The following ZMIZ2 variants were observed in gnomAD, a reference collection of about 807,000 sequenced individuals.
The protein encoded by ZMIZ2 is zinc finger MIZ domain-containing protein 2.
A neutral mutation model predicts 93.9 loss-of-function variants in ZMIZ2; 26 were observed. That is an observed-to-expected ratio of 0.28 (90% CI 0.20 to 0.38). ZMIZ2 has a LOEUF of 0.38. Among genes scored for constraint, ZMIZ2 ranks in the 10% least tolerant of loss-of-function variants. The pLI is 1.00. For synonymous variants in ZMIZ2, 485 were observed against 516.4 expected (o/e 0.94, Z 0.82); for missense variants, 1,023 against 1,235.0 (o/e 0.83, Z 2.57).
chr7:44,767,915 A>G lies in ZMIZ2; in HGVS notation c.*292A>G, dbSNP rs950966416. 2.0e-6 allele frequency: 1 copy of G among 491,282 alleles called. No homozygotes were observed. The highest frequency in any genetic ancestry group is 3.7e-6 in the Non-Finnish European group (1 of 267,072). The allele number at this position is 491,282 out of a possible 1,614,324, so 30.4% of individuals were successfully genotyped here. A position where few individuals can be genotyped will look rare whatever the true frequency, so the allele number is the denominator to read the frequency against. On this transcript the variant is annotated 3_prime_UTR_variant, in exon 19 of 19. Coordinates refer to ENST00000309315, the MANE Select transcript of ZMIZ2 (RefSeq NM_031449.4). ...CCCAGCCCTGTCCAGCCTTGTCCACACACACATCTCACGCCCCTGGTCTCA... is the reference window on the plus strand; with the variant it reads ...CCCAGCCCTGTCCAGCCTTGTCCACGCACACATCTCACGCCCCTGGTCTCA...
At chr7:44,762,104 G>A (rs1211241798) in intron 11 of ZMIZ2, among the ~76,000 whole-genome samples, 199 bp downstream of exon 11, 2 of 152,234 alleles carry the variant, frequency 1.3e-5, no homozygotes, top group African/African-American at 2.4e-5. Context: ...GCTGTCCACC[G>A]CCTGCTGTAG....
Position 44,765,463 on chromosome 7 carries a change from C to T in ZMIZ2, c.2126C>T (p.Ala709Val). 6.2e-7 allele frequency: 1 copy of T among 1,605,042 alleles called. No individual in the cohort carries two copies. The highest frequency in any genetic ancestry group is 8.5e-7 in the Non-Finnish European group (1 of 1,179,890). ...AAGCGCTGCCGCACCGTGAGCCCCG[C>T]CCACGTGCTCATGCCCAGCGTGATG... ...ALKRCRTVSPAHVLMPSVMEM... is the reference protein window; with the variant it reads ...ALKRCRTVSPVHVLMPSVMEM... The change falls in exon 16 of 19, where the codon GCC becomes GTC. Residue 709 changes from alanine to valine, a missense_variant. By Grantham distance (64) the Ala-to-Val change is moderately conservative. Coordinates refer to ENST00000309315, the MANE Select transcript of ZMIZ2 (RefSeq NM_031449.4). The surrounding 1 kb of genome is among the most constrained non-coding windows in gnomAD (Gnocchi z 4.1).
At chr7:44,764,181 C>G (rs879611628) in intron 13 of ZMIZ2, among the ~76,000 whole-genome samples, 2 of 152,194 alleles carry the variant, frequency 1.3e-5, no homozygotes, top group Non-Finnish European at 2.9e-5. Flanking sequence ...GGGTCCCAGT[C>G]AGCACAGCTG....
rs968070928 is a variant in ZMIZ2 at position 44,766,932 on chromosome 7, C to T, written c.2655+269C>T. On this transcript the variant is annotated intron_variant, in intron 18 of 18. Coordinates refer to ENST00000309315, the MANE Select transcript of ZMIZ2 (RefSeq NM_031449.4). This position sits in a 1 kb window ranked among gnomAD's most constrained non-coding sequence, Gnocchi z 4.4. ...GAGACTGCACTGGAAGCTGACAGCA[C>T]GGTCCTTAGAGTCAAATTTCGTCTG... is the stretch of plus-strand genomic sequence containing the variant. Among the ~76,000 whole-genome samples, 1 of 152,272 alleles carries T rather than the reference C, an allele frequency of 6.6e-6. No homozygotes were observed. Among genetic ancestry groups the T allele is most frequent in the Non-Finnish European group, 1.5e-5 (1 of 68,022 alleles).
intron 7 of ZMIZ2, 83 bp from the exon 8 acceptor site, chr7:44,760,068 T>G: frequency 1.4e-6 from 2 of 1,398,152 alleles, no homozygotes; most frequent in Non-Finnish European, 2.0e-6. Context: ...AGACCGTGTA[T>G]GGTGGGCTTC....
chr7:44,764,617 G>A (rs1791516807), intron 14 of ZMIZ2, 131 bp downstream of exon 14: 4 of 1,026,884 alleles, frequency 3.9e-6, no homozygotes, highest in Non-Finnish European at 5.8e-6. Flanking sequence ...CTGGGGTTGT[G>A]CAGCTCAGCG....
Position 44,767,764 on chromosome 7 carries a change from G to A in ZMIZ2, c.*141G>A, listed in dbSNP as rs1015586950. The A allele has an allele frequency of 2.5e-5, 18 of 730,870 alleles. No homozygotes were observed. The highest frequency in any genetic ancestry group is 6.8e-5 in the South Asian group (4 of 58,716). The allele number at this position is 730,870 out of a possible 1,614,324, so 45.3% of individuals were successfully genotyped here. On this transcript the variant is annotated 3_prime_UTR_variant, in exon 19 of 19. Transcript: ENST00000309315. ...ACACCTGGAGCCAGAGCCTTCTGCCGCCAGCCCTGCCCCTGAATTGGAAGC... is the reference window on the plus strand; with the variant it reads ...ACACCTGGAGCCAGAGCCTTCTGCCACCAGCCCTGCCCCTGAATTGGAAGC...
At chr7:44,751,509 A>G (rs1189139436) in intron 1 of ZMIZ2, among the ~76,000 whole-genome samples, 1 of 152,210 alleles carries the variant, frequency 6.6e-6, no homozygotes, top group Non-Finnish European at 1.5e-5. Context: ...GGGAGGGGGC[A>G]CATCTGCTTG....
At chr7:44,759,047 A>T (rs568136628) in intron 6 of ZMIZ2, among the ~76,000 whole-genome samples, 1 of 144,230 alleles carries the variant, frequency 6.9e-6, no homozygotes, top group Non-Finnish European at 1.5e-5. Flanking sequence ...GCACCACTGC[A>T]CTTCAGCCTG....
chr7:44,762,775 C>T (rs2116843412), intron 11 of ZMIZ2, 106 bp from the exon 12 acceptor site: 1 of 671,912 alleles, frequency 1.5e-6, no homozygotes, highest in Non-Finnish European at 2.2e-6. Flanking sequence ...CCTTGTCCCT[C>T]CCCCACCTGG....
At position 44,765,434 on chromosome 7, in the gene ZMIZ2, A is replaced by G. The variant is rs770341637; in HGVS notation, c.2097A>G (p.Ala699=). 6.2e-7 allele frequency: 1 copy of G among 1,610,144 alleles called. No homozygotes were observed. The highest frequency in any genetic ancestry group is 1.7e-5 in the Admixed American group (1 of 60,022). ...MHIKEEPDGP[A]LKRCRTVSPA... Reference sequence around the variant, plus strand: ...TCAAGGAGGAGCCGGATGGGCCAGCACTGAAGCGCTGCCGCACCGTGAGCC... The same window carrying G: ...TCAAGGAGGAGCCGGATGGGCCAGCGCTGAAGCGCTGCCGCACCGTGAGCC... The change falls in exon 16 of 19, where the codon GCA becomes GCG. Residue 699 remains alanine (A), a synonymous_variant. Coordinates refer to ENST00000309315, the MANE Select transcript of ZMIZ2 (RefSeq NM_031449.4). The surrounding 1 kb of genome is among the most constrained non-coding windows in gnomAD (Gnocchi z 4.1).
At position 44,763,388 on chromosome 7, in the gene ZMIZ2, G is replaced by A. The variant is rs201502888; in HGVS notation, c.1835G>A (p.Arg612Gln). The A allele has an allele frequency of 6.8e-6, 11 of 1,614,060 alleles. No homozygotes were observed. The highest frequency in any genetic ancestry group is 5.3e-5 in the African/African-American group (4 of 75,040). The change falls in exon 13 of 19, where the codon CGA becomes CAA. Residue 612 changes from arginine to glutamine, a missense_variant. By Grantham distance (43) the Arg-to-Gln change is conservative. Around this residue, in one of 3 missense-constraint regions of ZMIZ2, gnomAD observed 48 missense variants for 99.1 expected, o/e 0.48. Coordinates refer to ENST00000309315, the MANE Select transcript of ZMIZ2 (RefSeq NM_031449.4). The surrounding 1 kb of genome is among the most constrained non-coding windows in gnomAD (Gnocchi z 5.6). ...TTCCGCAGGATCCAGCTCCCTGCCC[G>A]AGGTCATGACTGTCGCCACATACAG... Reference protein sequence around the residue: ...ITFRRIQLPARGHDCRHIQCF... With the variant: ...ITFRRIQLPAQGHDCRHIQCF...
intron 6 of ZMIZ2, among the ~76,000 whole-genome samples, 188 bp from the exon 7 acceptor site, chr7:44,759,084 TAAAAAAAAA>T (rs71563954): frequency 2.9e-4 from 28 of 97,500 alleles, no homozygotes; most frequent in South Asian, 1.1e-3. Context: ...TGTCTCAAAT[TAAAAAAAAA>T]AAAAAAAAAA....
chr7:44,765,203 G>A lies in ZMIZ2; in HGVS notation c.1998-132G>A. 1 of 1,521,564 alleles carries A rather than the reference G, an allele frequency of 6.6e-7. No homozygotes were observed. The highest frequency in any genetic ancestry group is 8.9e-7 in the Non-Finnish European group (1 of 1,126,124). The allele number at this position is 1,521,564 out of a possible 1,614,324, so 94.3% of individuals were successfully genotyped here. On this transcript the variant is annotated intron_variant, in intron 15 of 18. Transcript: ENST00000309315. The surrounding 1 kb of genome is among the most constrained non-coding windows in gnomAD (Gnocchi z 4.1). ...CTGGGCCCAGCGTCCTGCTCGATGTGGAAGGTGCTGGGTGGAAGCAAGCAT... is the reference window on the plus strand; with the variant it reads ...CTGGGCCCAGCGTCCTGCTCGATGTAGAAGGTGCTGGGTGGAAGCAAGCAT...
chr7:44,760,974 C>T (rs1322899803), intron 9 of ZMIZ2, among the ~76,000 whole-genome samples: 1 of 152,068 alleles, frequency 6.6e-6, no homozygotes, highest in African/African-American at 2.4e-5. Context: ...CTTCTCTCCC[C>T]TGTGCACAAA....
chr7:44,765,882 C>A lies in ZMIZ2; in HGVS notation c.2243-282C>A, dbSNP rs1313268421. On this transcript the variant is annotated intron_variant, in intron 16 of 18. Transcript: ENST00000309315. The surrounding 1 kb of genome is among the most constrained non-coding windows in gnomAD (Gnocchi z 4.1). ...TCACAGGACTGGCCCCATCTGGGGC[C>A]CCCCTCTGGGACCCACCTCACACGC... The A allele has an allele frequency of 1.5e-6, 2 of 1,363,472 alleles. No individual in the cohort carries two copies. Among genetic ancestry groups the A allele is most frequent in the East Asian group, 2.6e-5 (1 of 37,916 alleles). The allele number at this position is 1,363,472 out of a possible 1,614,324, so 84.5% of individuals were successfully genotyped here.
rs61731833 is a variant in ZMIZ2, at chr7:44,757,076, G to A, written c.295G>A (p.Ala99Thr). 1.3e-3 allele frequency: 2,066 copies of A among 1,607,094 alleles called. 22 individuals carry two copies. In the African/African-American group the frequency reaches 0.023, roughly 18 times the overall value. ...LGQQAFAEGGANKGYVQQGVY... is the reference protein window; with the variant it reads ...LGQQAFAEGGTNKGYVQQGVY... ...ACAGCAGGCGTTTGCTGAAGGCGGC[G>A]CCAACAAGGGCTACGTGCAGCAAGG... Residue 99 changes from alanine (A) to threonine (T), a missense_variant, in exon 4 of 19, where the codon GCC becomes ACC. Ala to Thr is a moderately conservative substitution (Grantham distance 58). Around this residue, in one of 3 missense-constraint regions of ZMIZ2, gnomAD observed 656 missense variants for 777.1 expected, o/e 0.84. Coordinates refer to ENST00000309315, the MANE Select transcript of ZMIZ2 (RefSeq NM_031449.4).
In ZMIZ2 at chr7:44,767,657, C is replaced by G. The variant is rs1468973230; in HGVS notation, c.*34C>G. On this transcript the variant is annotated 3_prime_UTR_variant, in exon 19 of 19. Transcript: ENST00000309315. ...TTACCCCAAGCCCGGCGGGGACACG[C>G]TCACAGATGTCACCACAGCCCTGCC... 1.3e-6 allele frequency: 2 copies of G among 1,575,114 alleles called. No homozygotes were observed. The highest frequency in any genetic ancestry group is 3.3e-5 in the Admixed American group (2 of 59,734).
chr7:44,756,725 A>G (rs546691307), intron 3 of ZMIZ2, 186 bp downstream of exon 3: 1 of 776,016 alleles, frequency 1.3e-6, no homozygotes, highest in African/African-American at 1.7e-5. Context: ...TTCTCTTTCC[A>G]CACCTGCTGT....
Sources: allele counts gnomAD v4.1 joint callset (sites outside exome capture counted in the v4.1 genomes callset), GRCh38; gene constraint gnomAD v4.1.1; regional missense constraint gnomAD v4.1.1; non-coding constraint Gnocchi (gnomAD v3.1); transcripts MANE v1.5; gene names NCBI Gene and HGNC (gene_info 2026-07-23, HGNC 2026-07-21).